NRXN3: variants seen among roughly 807,000 people sequenced by gnomAD.
The protein encoded by NRXN3 is neurexin III.
NRXN3 carries 32 observed loss-of-function variants against 137.6 expected under a neutral mutation model. The observed-to-expected ratio is 0.23, with a 90% CI of 0.18 to 0.31. The LOEUF (loss-of-function observed/expected upper bound fraction) is 0.31. NRXN3 is among the 10% of genes least tolerant of loss of function. The probability of loss-of-function intolerance (pLI) is 1.00; values close to 1 mark genes in which losing one functional copy is unlikely to be tolerated. For synonymous variants in NRXN3, 798 were observed against 784.5 expected, an observed-to-expected ratio of 1.02 and a Z score of -0.29; for missense variants, 1,574 against 2,062.5, an observed-to-expected ratio of 0.76 and a Z score of 4.59.
intron 3 of NRXN3, among the ~76,000 whole-genome samples, chr14:78,285,881 G>C (rs1315840699): frequency 2.0e-5 from 3 of 152,156 alleles, no homozygotes; most frequent in Non-Finnish European, 4.4e-5. Context: ...GCCCTCAGCT[G>C]GGCTAACAGT....
At chr14:79,262,191 C>T (rs1472754699) in intron 15 of NRXN3, among the ~76,000 whole-genome samples, 1 of 152,138 alleles carries the variant, frequency 6.6e-6, no homozygotes, top group Admixed American at 6.6e-5. Flanking sequence ...CTCCTGCCCA[C>T]AACTTCTTTT....
chr14:79,711,088 ATATATGTTTTGAC>A (rs1438528503), intron 19 of NRXN3, among the ~76,000 whole-genome samples: 1 of 152,228 alleles, frequency 6.6e-6, no homozygotes, highest in Non-Finnish European at 1.5e-5. Context: ...AATGTAAACA[ATATATGTTTTGAC>A]TAAAAAAGAC....
chr14:78,682,112 T>G (rs909586433), intron 6 of NRXN3, among the ~76,000 whole-genome samples: 60 of 152,098 alleles, frequency 3.9e-4, no homozygotes, highest in Admixed American at 3.9e-3. Context: ...GTGATCCACC[T>G]GCCTCGGCCT....
At chr14:79,384,280 C>A (rs899527932) in intron 15 of NRXN3, among the ~76,000 whole-genome samples, 3 of 152,050 alleles carry the variant, frequency 2.0e-5, no homozygotes, top group African/African-American at 7.2e-5. Context: ...GGAAGGGAGG[C>A]AGATATGCAA....
At chr14:79,695,494 T>G (rs1057371237) in intron 18 of NRXN3, among the ~76,000 whole-genome samples, 6 of 152,000 alleles carry the variant, frequency 3.9e-5, no homozygotes, top group African/African-American at 1.4e-4. Context: ...CTGAATTTTT[T>G]CCTAGAAATC....
intron 15 of NRXN3, among the ~76,000 whole-genome samples, chr14:79,049,041 A>T (rs1595370961): frequency 0.018 from 92 of 4,998 alleles, 7 homozygotes; most frequent in African/African-American, 0.043. Context: ...AAAAAAAAAA[A>T]AAAAAAAAAA....
At chr14:79,707,975 A>ATCTT in intron 19 of NRXN3, among the ~76,000 whole-genome samples, 1 of 152,294 alleles carries the variant, frequency 6.6e-6, no homozygotes, top group East Asian at 1.9e-4. Flanking sequence ...TGAATAAAAT[A>ATCTT]TCTTTGATAT....
chr14:79,773,565 G>C (rs775011335), intron 19 of NRXN3, among the ~76,000 whole-genome samples: 1 of 146,470 alleles, frequency 6.8e-6, no homozygotes, highest in Non-Finnish European at 1.5e-5. Context: ...ACTCATAGGT[G>C]GGAATTGAAC....
rs2070248042 is a variant in NRXN3, at chr14:78,259,165, A to G, written c.709+15363A>G. Reference sequence around the variant, plus strand: ...AAAAAAAGAAAGAAAAAAAGAAACAATCCTACAAGTAGAAACTTAAGTCTC... The same window carrying G: ...AAAAAAAGAAAGAAAAAAAGAAACAGTCCTACAAGTAGAAACTTAAGTCTC... On this transcript the variant is annotated intron_variant, in intron 2 of 20. Coordinates refer to ENST00000335750, the MANE Select transcript of NRXN3 (RefSeq NM_001330195.2). Among the ~76,000 whole-genome samples the G allele has an allele frequency of 2.0e-5, 3 of 152,038 alleles. No individual in the cohort carries two copies. The South Asian group carries it at 6.2e-4, about 32-fold the overall frequency.
At chr14:78,282,023 C>T (rs10147289) in intron 3 of NRXN3, 303,172 of 413,876 alleles carry the variant, frequency 0.73, 112,086 homozygotes, top group Middle Eastern at 0.84. Context: ...TTTGAGTTTG[C>T]AGGGTTCCAA....
intron 4 of NRXN3, among the ~76,000 whole-genome samples, chr14:78,619,123 G>T (rs1274024356): frequency 1.3e-5 from 2 of 152,186 alleles, no homozygotes; most frequent in African/African-American, 4.8e-5. Flanking sequence ...CCTGCTGTTA[G>T]TATTCTCCAC....
chr14:78,535,891 G>A (rs763751897), intron 4 of NRXN3, among the ~76,000 whole-genome samples: 1 of 152,170 alleles, frequency 6.6e-6, no homozygotes, highest in African/African-American at 2.4e-5. Context: ...GCTATTTGTG[G>A]TGGGATGCCA....
chr14:78,957,387 T>C lies in NRXN3; in HGVS notation c.2395+26T>C, dbSNP rs1313303549. The C allele has an allele frequency of 1.9e-6, 3 of 1,588,694 alleles. No individual in the cohort carries two copies. In the African/African-American group the frequency reaches 5.3e-5, roughly 28 times the overall value. On this transcript the variant is annotated intron_variant, in intron 11 of 20. Coordinates refer to ENST00000335750, the MANE Select transcript of NRXN3 (RefSeq NM_001330195.2). ...GTGAGTATGACTATGGTGAAATTCG[T>C]CTGTCTTTTCTCTCAGTCCTCTCAG...
chr14:78,385,321 ACACACACACACACG>A (rs373507434), intron 4 of NRXN3, among the ~76,000 whole-genome samples: 2 of 148,566 alleles, frequency 1.3e-5, no homozygotes, highest in African/African-American at 5.2e-5. Context: ...ACACACACAC[ACACACACACACACG>A]CATATAAAAC....
At chr14:78,590,410 G>T (rs1349164856) in intron 4 of NRXN3, among the ~76,000 whole-genome samples, 1 of 152,136 alleles carries the variant, frequency 6.6e-6, no homozygotes, top group Non-Finnish European at 1.5e-5. Context: ...TAAATGACTG[G>T]ATATTCCAGG....
intron 1 of NRXN3, among the ~76,000 whole-genome samples, chr14:78,189,176 G>T (rs766862272): frequency 6.6e-6 from 1 of 151,960 alleles, no homozygotes; most frequent in Non-Finnish European, 1.5e-5. Context: ...AATGGACCTG[G>T]AATATGACTA....
chr14:78,209,510 G>A (rs553496661), intron 1 of NRXN3, among the ~76,000 whole-genome samples: 2 of 152,282 alleles, frequency 1.3e-5, no homozygotes, highest in South Asian at 2.1e-4. Context: ...GGCATGGCTG[G>A]GCAGGCCTCA....
intron 16 of NRXN3, among the ~76,000 whole-genome samples, chr14:79,620,771 A>C (rs2098215203): frequency 6.6e-6 from 1 of 152,118 alleles, no homozygotes; most frequent in Non-Finnish European, 1.5e-5. Context: ...GTAGCATTGG[A>C]GTCAAAGGCC....
chr14:78,685,779 T>G (rs561630928), intron 6 of NRXN3, among the ~76,000 whole-genome samples: 1 of 151,474 alleles, frequency 6.6e-6, no homozygotes, highest in African/African-American at 2.4e-5. Context: ...ATTACAGGCA[T>G]GCACCACCAT....
Sources: gnomAD v4.1 joint callset for allele counts (sites outside exome capture counted in the v4.1 genomes callset) on GRCh38, gnomAD v4.1.1 for gene constraint, MANE v1.5 for transcripts, NCBI Gene and HGNC (gene_info 2026-07-23, HGNC 2026-07-21) for gene names.